The following LRRC7 variants were observed in gnomAD, a reference collection of about 807,000 sequenced individuals.
The protein encoded by LRRC7 is leucine-rich repeat-containing protein 7.
LRRC7 carries 23 observed loss-of-function variants against 175.7 expected under a neutral mutation model. The observed-to-expected ratio is 0.13, with a 90% confidence interval of 0.09 to 0.19. LRRC7 has a LOEUF of 0.19. Ranked by LOEUF, LRRC7 falls within the 10% of genes least tolerant of loss-of-function variation. The probability of loss-of-function intolerance (pLI) is 1.00; values close to 1 mark genes in which losing one functional copy is unlikely to be tolerated. For synonymous variants in LRRC7, 685 were observed against 680.9 expected, an observed-to-expected ratio of 1.01 and a Z score of -0.09; for missense variants, 1,354 against 1,904.7, an observed-to-expected ratio of 0.71 and a Z score of 5.38.
intron 2 of LRRC7, among the ~76,000 whole-genome samples, chr1:69,734,118 GT>G (rs750073821): frequency 7.3e-5 from 9 of 122,486 alleles, no homozygotes; most frequent in Non-Finnish European, 1.7e-4. Context: ...AACTTTTTTT[GT>G]TTTATATTAG....
intron 7 of LRRC7, among the ~76,000 whole-genome samples, chr1:69,894,964 C>T (rs977451780): frequency 3.3e-5 from 5 of 152,190 alleles, no homozygotes; most frequent in African/African-American, 1.2e-4. Context: ...GCGTGGCTCA[C>T]ACCTGTAATC....
At chr1:70,104,104 T>C (rs1159123863) in intron 25 of LRRC7, among the ~76,000 whole-genome samples, 1 of 152,184 alleles carries the variant, frequency 6.6e-6, no homozygotes, top group Non-Finnish European at 1.5e-5. Flanking sequence ...AGTTGGCTTC[T>C]TGTTGTTTGG....
chr1:70,030,855 T>C (rs1431625571), intron 18 of LRRC7, among the ~76,000 whole-genome samples: 1 of 152,178 alleles, frequency 6.6e-6, no homozygotes, highest in Non-Finnish European at 1.5e-5. Flanking sequence ...TAGATGCCAA[T>C]AGTTTTAACA....
At chr1:69,582,381 C>T (rs1245058) in intron 1 of LRRC7, among the ~76,000 whole-genome samples, 22,970 of 152,140 alleles carry the variant, frequency 0.15, 1,909 homozygotes, top group Admixed American at 0.19. Flanking sequence ...TCTCTTTACC[C>T]AATCTTCTCA....
At chr1:69,917,702 A>G (rs1646762919) in intron 7 of LRRC7, among the ~76,000 whole-genome samples, 2 of 152,146 alleles carry the variant, frequency 1.3e-5, no homozygotes, top group South Asian at 2.1e-4. Context: ...AAGGTTGACA[A>G]ACACTACATC....
Position 69,887,814 on chromosome 1 carries a change from G to T in LRRC7, c.648-43693G>T, listed in dbSNP as rs535387564. ...GGTTTTTGGTGTGGATGTCCTTTCT[G>T]TTTGTTAGTTTTCCTTCTAACAGAC... is the stretch of plus-strand genomic sequence containing the variant. On this transcript the variant is annotated intron_variant, in intron 7 of 26. Transcript: ENST00000651989. Among the ~76,000 whole-genome samples the T allele has an allele frequency of 3.7e-3, 542 of 147,094 alleles. 4 individuals carry two copies. Among genetic ancestry groups the T allele is most frequent in the African/African-American group, 0.013 (506 of 38,720 alleles).
chr1:69,840,290 C>A lies in LRRC7; in HGVS notation c.647+2007C>A, dbSNP rs571904616. Among the ~76,000 whole-genome samples, 6 of 151,972 alleles carry A rather than the reference C, an allele frequency of 3.9e-5. No homozygotes were observed. The East Asian group carries it at 1.2e-3, about 29-fold the overall frequency. On this transcript the variant is annotated intron_variant, in intron 7 of 26. Transcript: ENST00000651989. ...AACTTTGTTTTCACTATGTATTATACCTTTTGATCACCAGTCTATACCTCA... is the reference window on the plus strand; with the variant it reads ...AACTTTGTTTTCACTATGTATTATAACTTTTGATCACCAGTCTATACCTCA...
In LRRC7 at chr1:69,568,268, G is replaced by GCGCCTCCGCCACCGCCGC. The variant is rs1240784396; in HGVS notation, c.-367_-350dup. 3 of 210,652 alleles carry GCGCCTCCGCCACCGCCGC rather than the reference G, an allele frequency of 1.4e-5. No homozygotes were observed. Among genetic ancestry groups the GCGCCTCCGCCACCGCCGC allele is most frequent in the African/African-American group, 7.2e-5 (3 of 41,748 alleles). 13.0% of individuals were successfully genotyped at this position (210,652 alleles called of 1,614,324 possible). On this transcript the variant is annotated 5_prime_UTR_variant, in exon 1 of 27. Coordinates refer to ENST00000651989, the MANE Select transcript of LRRC7 (RefSeq NM_001370785.2). ...GCCTTCTGGGGGCGGGGAGGGAGCTGCGCCTCCGCCACCGCCGCCGCCGCC... is the reference window on the plus strand; with the variant it reads ...GCCTTCTGGGGGCGGGGAGGGAGCTGCGCCTCCGCCACCGCCGCCGCCTCCGCCACCGCCGCCGCCGCC...
At chr1:69,932,812 A>G (rs1293753545) in intron 8 of LRRC7, among the ~76,000 whole-genome samples, 2 of 152,204 alleles carry the variant, frequency 1.3e-5, no homozygotes, top group Non-Finnish European at 2.9e-5. Flanking sequence ...GACCTGGGCA[A>G]TAAGGACTCT....
At chr1:69,997,409 T>C (rs1655092173) in intron 11 of LRRC7, among the ~76,000 whole-genome samples, 1 of 149,382 alleles carries the variant, frequency 6.7e-6, no homozygotes, top group African/African-American at 2.4e-5. Flanking sequence ...TCCTGCCTAA[T>C]TGCCCTGGCC....
chr1:69,885,360 G>A (rs1481877607), intron 7 of LRRC7, among the ~76,000 whole-genome samples: 20 of 146,112 alleles, frequency 1.4e-4, no homozygotes, highest in African/African-American at 3.7e-4. Flanking sequence ...TGTATGTTTC[G>A]AGGAATTTAT....
intron 4 of LRRC7, among the ~76,000 whole-genome samples, chr1:69,808,165 T>C (rs1677361318): frequency 6.6e-6 from 1 of 151,786 alleles, no homozygotes; most frequent in Non-Finnish European, 1.5e-5. Flanking sequence ...TTTATGTTCT[T>C]CTCTAAACTA....
At position 69,916,066 on chromosome 1, in the gene LRRC7, T is replaced by A. The variant is rs1296767669; in HGVS notation, c.648-15441T>A. On this transcript the variant is annotated intron_variant, in intron 7 of 26. Transcript: ENST00000651989. ...TATATATATATTTTATATGTATATT[T>A]TATATATATAATATATATATTATAT... 6.7e-3 allele frequency among the ~76,000 whole-genome samples: 896 copies of A among 133,984 alleles called. 26 individuals carry two copies. Among genetic ancestry groups the A allele is most frequent in the African/African-American group, 0.026 (849 of 32,706 alleles). 87.9% of individuals were successfully genotyped at this position (133,984 alleles called of 152,430 possible).
At chr1:69,919,997 C>G (rs180731671) in intron 7 of LRRC7, 5 of 492,630 alleles carry the variant, frequency 1.0e-5, no homozygotes, top group Admixed American at 1.0e-4. Flanking sequence ...ACTGGGGGCC[C>G]TGGGGTTCCC....
At chr1:69,871,860 G>A (rs1214252747) in intron 7 of LRRC7, among the ~76,000 whole-genome samples, 2 of 151,866 alleles carry the variant, frequency 1.3e-5, no homozygotes, top group East Asian at 1.9e-4. Flanking sequence ...TATGTTCCCA[G>A]TGTACCTATT....
At chr1:70,060,084 G>A (rs555898352) in intron 23 of LRRC7, among the ~76,000 whole-genome samples, 109 of 152,202 alleles carry the variant, frequency 7.2e-4, no homozygotes, top group Non-Finnish European at 1.3e-3. Context: ...TTGGGAGGCC[G>A]AGGCAAGCGG....
intron 1 of LRRC7, among the ~76,000 whole-genome samples, chr1:69,649,419 A>G (rs1655462000): frequency 6.6e-6 from 1 of 152,208 alleles, no homozygotes; most frequent in African/African-American, 2.4e-5. Flanking sequence ...GCAGACCTAC[A>G]GTACTACGGA....
chr1:70,061,715 C>A (rs1194674312), intron 23 of LRRC7, among the ~76,000 whole-genome samples: 1 of 152,082 alleles, frequency 6.6e-6, no homozygotes, highest in African/African-American at 2.4e-5. Context: ...AGGAAGATAT[C>A]AAATGTGTCC....
At chr1:69,901,179 T>G (rs1646124684) in intron 7 of LRRC7, among the ~76,000 whole-genome samples, 1 of 152,158 alleles carries the variant, frequency 6.6e-6, no homozygotes, top group Admixed American at 6.5e-5. Flanking sequence ...AAGAGGCTGT[T>G]ACAAATGCCT....
Sources: allele counts gnomAD v4.1 joint callset (sites outside exome capture counted in the v4.1 genomes callset), GRCh38; gene constraint gnomAD v4.1.1; transcripts MANE v1.5; gene names NCBI Gene and HGNC (gene_info 2026-07-23, HGNC 2026-07-21).